DPYS: variants seen among roughly 807,000 people sequenced by gnomAD.
DPYS encodes the protein dihydropyrimidine amidohydrolase.
A neutral mutation model predicts 50.3 loss-of-function variants in DPYS; 39 were observed. That is an observed-to-expected ratio of 0.78 (90% CI 0.60 to 1.01). The LOEUF (loss-of-function observed/expected upper bound fraction) is 1.01, where lower values mean the gene tolerates loss of function less well. Among genes scored for constraint, DPYS ranks in the 50% least tolerant of loss-of-function variants. The pLI is 0.00. For missense variants in DPYS, 659 were observed against 680.9 expected (o/e 0.97, Z 0.36); for synonymous variants, 245 against 250.7 (o/e 0.98, Z 0.22).
chr8:104,427,182 C>G (rs535886491), intron 6 of DPYS, among the ~76,000 whole-genome samples: 1 of 128,568 alleles, frequency 7.8e-6, no homozygotes, highest in Non-Finnish European at 1.6e-5. Context: ...GTCCGGGCAA[C>G]AGAGTGAGAC....
chr8:104,392,796 C>T lies in DPYS; in HGVS notation c.1431G>A (p.Lys477=), dbSNP rs780982067. ...GTGGCACACTCACCCGGTCTCGCTG[C>T]TTTATTCGTTTGTAAATATATTCAG... ...PFAEYIYKRI[K]QRDRTCTPTP... The change falls in exon 8 of 10, where the codon AAG becomes AAA. Residue 477 remains lysine (K), a synonymous_variant. Transcript: ENST00000351513. The T allele has an allele frequency of 6.2e-7, 1 of 1,614,128 alleles. No homozygotes were observed. Among genetic ancestry groups the T allele is most frequent in the Admixed American group, 1.7e-5 (1 of 60,024 alleles).
At chr8:104,397,334 A>C (rs888316281) in intron 7 of DPYS, among the ~76,000 whole-genome samples, 3 of 152,244 alleles carry the variant, frequency 2.0e-5, no homozygotes, top group Non-Finnish European at 4.4e-5. Context: ...GACAGAGACT[A>C]GGTTGGTTTA....
intron 7 of DPYS, among the ~76,000 whole-genome samples, chr8:104,393,201 G>C (rs1052256538): frequency 1.3e-5 from 2 of 152,194 alleles, no homozygotes; most frequent in African/African-American, 4.8e-5. Flanking sequence ...AAACCCAAGA[G>C]ATCACTCTTT....
At chr8:104,410,488 G>A (rs907853269) in intron 7 of DPYS, among the ~76,000 whole-genome samples, 9 of 152,066 alleles carry the variant, frequency 5.9e-5, no homozygotes, top group African/African-American at 1.7e-4. Context: ...AACTGAGAGC[G>A]CTTCCAAGGA....
At chr8:104,392,667 G>C (rs1811428119) in intron 8 of DPYS, 117 bp downstream of exon 8, 1 of 1,251,916 alleles carries the variant, frequency 8.0e-7, no homozygotes, top group East Asian at 2.3e-5. Flanking sequence ...GACACCCCAG[G>C]AATACATTAA....
chr8:104,452,959 G>A (rs1012670245), intron 1 of DPYS, among the ~76,000 whole-genome samples: 14 of 152,040 alleles, frequency 9.2e-5, no homozygotes, highest in African/African-American at 1.7e-4. Flanking sequence ...TCCCTATATC[G>A]TGTTACCTCA....
At chr8:104,456,531 T>C (rs1813931653) in intron 1 of DPYS, among the ~76,000 whole-genome samples, 1 of 152,178 alleles carries the variant, frequency 6.6e-6, no homozygotes. Flanking sequence ...TTCTGTTTCT[T>C]ATCCCCATTC....
chr8:104,428,111 T>A lies in DPYS; in HGVS notation c.961A>T (p.Thr321Ser). The A allele has an allele frequency of 6.2e-7, 1 of 1,614,206 alleles. No individual in the cohort carries two copies. Among genetic ancestry groups the A allele is most frequent in the Middle Eastern group, 1.6e-4 (1 of 6,062 alleles). Residue 321 changes from threonine (T) to serine (S), a missense_variant, in exon 6 of 10, where the codon ACC becomes TCC. Coordinates refer to ENST00000351513, the MANE Select transcript of DPYS (RefSeq NM_001385.3). Reference sequence around the variant, plus strand: ...GTGCAGTTATCAGTCCCTGTTGTGGTTAGATCATCACTGTAAAAGAAAAAA... The same window carrying A: ...GTGCAGTTATCAGTCCCTGTTGTGGATAGATCATCACTGTAAAAGAAAAAA... ...LMNLLANDDL[T>S]TTGTDNCTFN...
At chr8:104,425,736 C>A (rs1812701071) in intron 6 of DPYS, among the ~76,000 whole-genome samples, 1 of 152,056 alleles carries the variant, frequency 6.6e-6, no homozygotes. Flanking sequence ...TTAATGTGGA[C>A]AGAATTCAGA....
chr8:104,434,650 AC>A (rs1443068356), intron 4 of DPYS, among the ~76,000 whole-genome samples: 4 of 152,342 alleles, frequency 2.6e-5, no homozygotes, highest in East Asian at 3.9e-4. Context: ...ACATTAAACA[AC>A]CACAATCTAG....
rs1251401235 is a variant in DPYS, at chr8:104,424,376, A to G, written c.1106T>C (p.Met369Thr). 1 of 1,613,752 alleles carries G rather than the reference A, an allele frequency of 6.2e-7. No individual in the cohort carries two copies. Residue 369 changes from methionine (M) to threonine (T), a missense_variant, in exon 7 of 10, where the codon ATG becomes ACG. Physicochemically the swap from Met to Thr is moderately conservative, Grantham distance 81 (BLOSUM62 -1). Coordinates refer to ENST00000351513, the MANE Select transcript of DPYS (RefSeq NM_001385.3). Reference protein sequence around the residue: ...IWEKGVHSGKMDENRFVAVTS... With the variant: ...IWEKGVHSGKTDENRFVAVTS... ...AACTGCCACAAATCTGTTTTCATCC[A>G]TTTTACCACTATGCTGTAAAGCAAT...
At chr8:104,441,433 G>C (rs1206790679) in intron 4 of DPYS, among the ~76,000 whole-genome samples, 1 of 152,160 alleles carries the variant, frequency 6.6e-6, no homozygotes, top group East Asian at 1.9e-4. Flanking sequence ...ATGGCAAAGG[G>C]ATTAATAGAT....
intron 7 of DPYS, among the ~76,000 whole-genome samples, chr8:104,394,513 C>T (rs1288030304): frequency 1.3e-5 from 2 of 152,022 alleles, no homozygotes; most frequent in Admixed American, 6.6e-5. Context: ...CCCGCTTCTC[C>T]TCTCCCCACT....
chr8:104,462,947 A>G (rs971394537), intron 1 of DPYS, among the ~76,000 whole-genome samples: 2 of 152,286 alleles, frequency 1.3e-5, no homozygotes, highest in South Asian at 2.1e-4. Flanking sequence ...AATCAATTAT[A>G]GGCTTTAAAC....
chr8:104,417,065 A>G (rs1812393381), intron 7 of DPYS, among the ~76,000 whole-genome samples: 1 of 152,244 alleles, frequency 6.6e-6, no homozygotes, highest in East Asian at 1.9e-4. Flanking sequence ...AAGATGGCAC[A>G]ATGCTTTCAA....
intron 5 of DPYS, 72 bp downstream of exon 5, chr8:104,429,473 G>T (rs999354836): frequency 6.3e-7 from 1 of 1,599,854 alleles, no homozygotes; most frequent in Non-Finnish European, 8.6e-7. Flanking sequence ...GGATCCAGAT[G>T]GGAGGACGAG....
chr8:104,386,103 G>C (rs534624473), intron 8 of DPYS, among the ~76,000 whole-genome samples: 1 of 152,302 alleles, frequency 6.6e-6, no homozygotes, highest in South Asian at 2.1e-4. Context: ...TTAATAGAGA[G>C]ACAGAAATGA....
rs141137322 is a variant in DPYS, at chr8:104,449,159, C to T, written c.424-1656G>A. Among the ~76,000 whole-genome samples the T allele has an allele frequency of 5.2e-4, 79 of 152,264 alleles. 1 individual carries two copies. The highest frequency in any genetic ancestry group is 4.6e-3 in the East Asian group (24 of 5,190). On this transcript the variant is annotated intron_variant, in intron 2 of 9. Transcript: ENST00000351513. ...CAACAGCAAGGGACAGAACATGGGA[C>T]AGTGCACCTCATTTGTTCCCCCTAA...
At chr8:104,427,859 C>T in intron 6 of DPYS, 121 bp downstream of exon 6, 1 of 1,425,290 alleles carries the variant, frequency 7.0e-7, no homozygotes, top group South Asian at 1.2e-5. Context: ...TTCCTAGTAT[C>T]CTCCCTAGTA....
Sources: gnomAD v4.1 joint callset for allele counts (sites outside exome capture counted in the v4.1 genomes callset) on GRCh38, gnomAD v4.1.1 for gene constraint, MANE v1.5 for transcripts, NCBI Gene and HGNC (gene_info 2026-07-23, HGNC 2026-07-21) for gene names.